Variants in CLSTN1 observed in about 807,000 individuals in gnomAD.
CLSTN1 encodes calsyntenin-1.
Under a neutral mutation model 108.3 loss-of-function variants are expected in CLSTN1, and 28 were observed. That is an observed-to-expected ratio of 0.26 (90% CI 0.19 to 0.35). The LOEUF (loss-of-function observed/expected upper bound fraction) is 0.35, where lower values mean the gene tolerates loss of function less well. CLSTN1 is among the 10% of genes least tolerant of loss of function. The probability of loss-of-function intolerance (pLI) is 1.00; values close to 1 mark genes in which losing one functional copy is unlikely to be tolerated. For synonymous variants in CLSTN1, 524 were observed against 534.9 expected, an observed-to-expected ratio of 0.98 and a Z score of 0.28; for missense variants, 1,157 against 1,302.6, an observed-to-expected ratio of 0.89 and a Z score of 1.72.
rs142384256 is a variant in CLSTN1, at chr1:9,755,170, G to A, written c.384C>T (p.Ile128=). 15 of 1,613,988 alleles carry A rather than the reference G, an allele frequency of 9.3e-6. No individual in the cohort carries two copies. Among genetic ancestry groups the A allele is most frequent in the African/African-American group, 1.3e-5 (1 of 74,890 alleles). ...CELQKDYSFT[I]QAYDCGKGPD... ...GTCCCTTCCCACAATCATAGGCCTG[G>A]ATGGTGAATGAATAGTCTTTCTGCA... is the stretch of plus-strand genomic sequence containing the variant. The change falls in exon 4 of 19, where the codon ATC becomes ATT. Residue 128 remains isoleucine (I), a synonymous_variant. Transcript: ENST00000377298.
chr1:9,735,445 G>C (rs1650632238), intron 13 of CLSTN1, 22 bp downstream of exon 13: 1 of 1,614,034 alleles, frequency 6.2e-7, no homozygotes, highest in Admixed American at 1.7e-5. Context: ...AAACAGGCCG[G>C]CTGTTAAAAA....
chr1:9,799,239 A>G (rs1654145913), intron 1 of CLSTN1, among the ~76,000 whole-genome samples: 4 of 152,132 alleles, frequency 2.6e-5, no homozygotes, highest in African/African-American at 9.7e-5. Context: ...TACACAAGGA[A>G]TCACAATTTA....
Position 9,729,791 on chromosome 1 carries a change from G to C in CLSTN1, c.*717C>G, listed in dbSNP as rs1309438131. ...TGTAGCTACCCTGATCCAGTCTCTT[G>C]AGCAGCACAGCTAGAGGCCTGTGGC... is the stretch of plus-strand genomic sequence containing the variant. On this transcript the variant is annotated 3_prime_UTR_variant, in exon 19 of 19. Coordinates refer to ENST00000377298, the MANE Select transcript of CLSTN1 (RefSeq NM_001009566.3). 1 of 152,784 alleles carries C rather than the reference G, an allele frequency of 6.5e-6. No individual in the cohort carries two copies. Among genetic ancestry groups the C allele is most frequent in the Non-Finnish European group, 1.5e-5 (1 of 68,506 alleles). The allele number at this position is 152,784 out of a possible 1,614,324, so 9.5% of individuals were successfully genotyped here.
At position 9,731,993 on chromosome 1, in the gene CLSTN1, C is replaced by A. The variant is rs140045751; in HGVS notation, c.2428-97G>T. On this transcript the variant is annotated intron_variant, in intron 16 of 18. Transcript: ENST00000377298. ...CGCAGCTGGCATGACCAGTGCCACTCAGAGTGGCTCCTGGACCGCAGCTGG... is the reference window on the plus strand; with the variant it reads ...CGCAGCTGGCATGACCAGTGCCACTAAGAGTGGCTCCTGGACCGCAGCTGG... 2,015 of 1,471,068 alleles carry A rather than the reference C, an allele frequency of 1.4e-3. 17 individuals carry two copies. The African/African-American group carries it at 0.021, about 15-fold the overall frequency. 91.1% of individuals were successfully genotyped at this position (1,471,068 alleles called of 1,614,324 possible).
chr1:9,779,335 G>C (rs1570483194), intron 1 of CLSTN1, among the ~76,000 whole-genome samples: 1 of 152,310 alleles, frequency 6.6e-6, no homozygotes, highest in South Asian at 2.1e-4. Flanking sequence ...CACCTTGGGA[G>C]GTCAAGGCAG....
chr1:9,764,811 A>G (rs1402488569), intron 2 of CLSTN1, among the ~76,000 whole-genome samples: 1 of 151,980 alleles, frequency 6.6e-6, no homozygotes, highest in African/African-American at 2.4e-5. Flanking sequence ...TCTTACCCAC[A>G]TTATCAGTGG....
chr1:9,762,386 G>A (rs1024582330), intron 2 of CLSTN1, among the ~76,000 whole-genome samples: 7 of 151,952 alleles, frequency 4.6e-5, no homozygotes, highest in East Asian at 1.9e-4. Context: ...GCTTGAACCC[G>A]GGAGGCAGAA....
chr1:9,780,181 T>G lies in CLSTN1; in HGVS notation c.92-6787A>C, dbSNP rs774572677. ...CCAATCTTTCATTTTAAAGCAAAAA[T>G]TGCTAGTTCAATTTGCCACTAATCA... On this transcript the variant is annotated intron_variant, in intron 1 of 18. Transcript: ENST00000377298. Among the ~76,000 whole-genome samples the G allele has an allele frequency of 5.9e-5, 9 of 152,086 alleles. No homozygotes were observed. In the South Asian group the frequency reaches 8.3e-4, roughly 14 times the overall value.
At chr1:9,801,949 C>A (rs1395217065) in intron 1 of CLSTN1, among the ~76,000 whole-genome samples, 2 of 152,120 alleles carry the variant, frequency 1.3e-5, no homozygotes, top group African/African-American at 2.4e-5. Flanking sequence ...AAACCCTCAA[C>A]AAAGCAAGCA....
At chr1:9,794,884 T>C (rs772963944) in intron 1 of CLSTN1, among the ~76,000 whole-genome samples, 3 of 151,358 alleles carry the variant, frequency 2.0e-5, no homozygotes, top group Non-Finnish European at 4.4e-5. Flanking sequence ...AACTTTATCA[T>C]ATATAGTTCA....
In CLSTN1 at chr1:9,734,070, T is replaced by C. The variant is rs767351766; in HGVS notation, c.2183A>G (p.Glu728Gly). The change falls in exon 15 of 19, where the codon GAG becomes GGG. Residue 728 changes from glutamate (E) to glycine (G), a missense_variant. By Grantham distance (98) the Glu-to-Gly change is moderately conservative. Transcript: ENST00000377298. The surrounding 1 kb of genome is among the most constrained non-coding windows in gnomAD (Gnocchi z 4.8). ...CAGGCTCTCCTGCTCGTGGTTCAGC[T>C]CCTCTCCCTCCACCGTGACCTCACA... ...DTCEVTVEGE[E>G]LNHEQESLEV... is the part of the protein sequence containing the mutation. 3 of 1,613,936 alleles carry C rather than the reference T, an allele frequency of 1.9e-6. No homozygotes were observed. Among genetic ancestry groups the C allele is most frequent in the Non-Finnish European group, 2.5e-6 (3 of 1,179,986 alleles).
intron 1 of CLSTN1, among the ~76,000 whole-genome samples, chr1:9,818,590 G>A (rs943060954): frequency 4.0e-5 from 6 of 151,336 alleles, no homozygotes; most frequent in African/African-American, 1.5e-4. Flanking sequence ...GCCTCCCAAA[G>A]TGCTGGGATT....
chr1:9,773,529 T>C (rs554203735), intron 1 of CLSTN1, 135 bp from the exon 2 acceptor site: 15 of 891,656 alleles, frequency 1.7e-5, no homozygotes, highest in Non-Finnish European at 2.2e-5. Context: ...CACAGTTCTG[T>C]CGCAAAATTT....
Position 9,731,290 on chromosome 1 carries a change from C to G in CLSTN1, c.2664G>C (p.Arg888=). The G allele has an allele frequency of 6.2e-7, 1 of 1,614,226 alleles. No homozygotes were observed. ...GVFRIRAAHR[R]TMRDQDTGKE... ...TCCCGGTGTCCTGATCCCGCATGGT[C>G]CGCCGATGTGCGGCCCGGATCCGAA... Residue 888 remains arginine, a synonymous_variant, in exon 18 of 19, where the codon CGG becomes CGC. Transcript: ENST00000377298.
In CLSTN1 at chr1:9,732,061, G is replaced by A. The variant is rs574224201; in HGVS notation, c.2428-165C>T. On this transcript the variant is annotated intron_variant, in intron 16 of 18. Coordinates refer to ENST00000377298, the MANE Select transcript of CLSTN1 (RefSeq NM_001009566.3). The stretch of plus-strand genomic sequence containing the variant: ...GGAAAAGGACAGAAAAAAAAATCAA[G>A]AGTAAGCACTTAAAAAACAAAAACA... 2.8e-4 allele frequency among the ~76,000 whole-genome samples: 43 copies of A among 150,996 alleles called. No homozygotes were observed. The East Asian group carries it at 8.4e-3, about 29-fold the overall frequency.
intron 11 of CLSTN1, 73 bp from the exon 12 acceptor site, chr1:9,736,115 C>G (rs1164556350): frequency 6.3e-7 from 1 of 1,575,564 alleles, no homozygotes; most frequent in Admixed American, 1.7e-5. Flanking sequence ...TCACTCAACA[C>G]GGTGTTACCG....
At chr1:9,732,850 GC>G (rs1650479827) in intron 16 of CLSTN1, among the ~76,000 whole-genome samples, 2 of 152,208 alleles carry the variant, frequency 1.3e-5, no homozygotes, top group Admixed American at 1.3e-4. Flanking sequence ...CAGTGACCTG[GC>G]ACAGATGCAG....
chr1:9,767,105 G>C (rs1391003788), intron 2 of CLSTN1, among the ~76,000 whole-genome samples: 1 of 152,236 alleles, frequency 6.6e-6, no homozygotes, highest in Non-Finnish European at 1.5e-5. Context: ...TCTATGGAGT[G>C]ACTGTGTTCC....
intron 1 of CLSTN1, among the ~76,000 whole-genome samples, chr1:9,780,342 TTA>T (rs575261362): frequency 6.6e-6 from 1 of 152,182 alleles, no homozygotes; most frequent in East Asian, 1.9e-4. Context: ...CTAAATGAAT[TTA>T]TGTCTTTATT....
Sources: gnomAD v4.1 joint callset for allele counts (sites outside exome capture counted in the v4.1 genomes callset) on GRCh38, gnomAD v4.1.1 for gene constraint, Gnocchi (gnomAD v3.1) non-coding constraint, MANE v1.5 for transcripts, NCBI Gene and HGNC (gene_info 2026-07-23, HGNC 2026-07-21) for gene names.